The following KCNMB2 variants were observed in gnomAD, a reference collection of about 807,000 sequenced individuals.
KCNMB2 encodes the protein potassium calcium-activated channel subfamily M regulatory beta subunit 2.
A neutral mutation model predicts 24.5 loss-of-function variants in KCNMB2; 9 were observed. The observed-to-expected ratio is 0.37, with a 90% CI of 0.22 to 0.64. KCNMB2 has a LOEUF of 0.64. Among genes scored for constraint, KCNMB2 ranks in the 30% least tolerant of loss-of-function variants. The pLI, the probability that KCNMB2 is intolerant of heterozygous loss-of-function variation, is 0.63. For synonymous variants in KCNMB2, 109 were observed against 104.4 expected, an observed-to-expected ratio of 1.04 and a Z score of -0.27; for missense variants, 226 against 284.3, an observed-to-expected ratio of 0.79 and a Z score of 1.47.
chr3:178,837,119 T>C (rs181137886), intron 4 of KCNMB2, among the ~76,000 whole-genome samples: 1 of 152,278 alleles, frequency 6.6e-6, no homozygotes, highest in African/African-American at 2.4e-5. Flanking sequence ...GGACATGAGA[T>C]GACAGCCATT....
chr3:178,540,118 T>C (rs897018275), intron 1 of KCNMB2, among the ~76,000 whole-genome samples: 1 of 152,226 alleles, frequency 6.6e-6, no homozygotes, highest in African/African-American at 2.4e-5. Flanking sequence ...CCTCCTTCTA[T>C]ATTTTTCTCC....
intron 1 of KCNMB2, among the ~76,000 whole-genome samples, chr3:178,553,537 CTTT>C (rs78958133): frequency 2.2e-5 from 3 of 139,086 alleles, no homozygotes; most frequent in South Asian, 2.3e-4. Flanking sequence ...AGAGAGATTC[CTTT>C]TTTTTTTTTT....
intron 4 of KCNMB2, among the ~76,000 whole-genome samples, chr3:178,836,766 G>T (rs7427904): frequency 0.64 from 97,791 of 151,742 alleles, 33,410 homozygotes; most frequent in African/African-American, 0.87. Flanking sequence ...ATCATACAGA[G>T]TCTAAAAGCT....
intron 1 of KCNMB2, among the ~76,000 whole-genome samples, chr3:178,700,431 C>G (rs1722046052): frequency 6.6e-6 from 1 of 152,182 alleles, no homozygotes; most frequent in South Asian, 2.1e-4. Context: ...CCTATCCTTA[C>G]CAGGGAGGTA....
rs71181241 is a variant in KCNMB2 at position 178,691,107 on chromosome 3, C to CTTTTTTTTTTTTTT, written c.-67-116229_-67-116216dup. On this transcript the variant is annotated intron_variant, in intron 1 of 4. Coordinates refer to ENST00000452583, the MANE Select transcript of KCNMB2 (RefSeq NM_181361.3). ...TGTACAGCATAATTCCCCATTAAGT[C>CTTTTTTTTTTTTTT]TTTTTTTTTTTTTTTTTTTTGATAG... Among the ~76,000 whole-genome samples the CTTTTTTTTTTTTTT allele has an allele frequency of 4.9e-4, 39 of 79,728 alleles. 1 individual carries two copies. Among genetic ancestry groups the CTTTTTTTTTTTTTT allele is most frequent in the South Asian group, 1.0e-3 (2 of 1,950 alleles). 52.3% of individuals were successfully genotyped at this position (79,728 alleles called of 152,430 possible). A position where few individuals can be genotyped will look rare whatever the true frequency, so the allele number is the denominator to read the frequency against.
chr3:178,646,922 A>T (rs1388250186), intron 1 of KCNMB2, among the ~76,000 whole-genome samples: 1 of 152,230 alleles, frequency 6.6e-6, no homozygotes, highest in Non-Finnish European at 1.5e-5. Context: ...TCTTGAATCA[A>T]CTTCTCCATA....
In KCNMB2 at chr3:178,629,099, T is replaced by A. The variant is rs895935361; in HGVS notation, c.-68+92388T>A. Among the ~76,000 whole-genome samples the A allele has an allele frequency of 5.3e-5, 8 of 152,300 alleles. No individual in the cohort carries two copies. The East Asian group carries it at 1.2e-3, about 22-fold the overall frequency. On this transcript the variant is annotated intron_variant, in intron 1 of 4. Coordinates refer to ENST00000452583, the MANE Select transcript of KCNMB2 (RefSeq NM_181361.3). Reference sequence around the variant, plus strand: ...TTAAAATGGCTCCTAATTATCTACATTATAACCCCCAACTCCCTATTTCAG... The same window carrying A: ...TTAAAATGGCTCCTAATTATCTACAATATAACCCCCAACTCCCTATTTCAG...
rs572672166 is a variant in KCNMB2 at position 178,725,318 on chromosome 3, C to G, written c.-67-82025C>G. ...ATTCTTGATTTTGTTCTCACCACTCCTATTCAACATAGTACTAGAAGTCTT... is the reference window on the plus strand; with the variant it reads ...ATTCTTGATTTTGTTCTCACCACTCGTATTCAACATAGTACTAGAAGTCTT... On this transcript the variant is annotated intron_variant, in intron 1 of 4. Transcript: ENST00000452583. Among the ~76,000 whole-genome samples, 4 of 152,030 alleles carry G rather than the reference C, an allele frequency of 2.6e-5. No individual in the cohort carries two copies. In the South Asian group the frequency reaches 8.3e-4, roughly 32 times the overall value.
chr3:178,684,834 A>T (rs748345665), intron 1 of KCNMB2, among the ~76,000 whole-genome samples: 1 of 152,234 alleles, frequency 6.6e-6, no homozygotes, highest in Non-Finnish European at 1.5e-5. Context: ...TCCGTCTCAA[A>T]AAATAAATAA....
At chr3:178,581,143 A>T (rs1205322753) in intron 1 of KCNMB2, among the ~76,000 whole-genome samples, 1 of 152,232 alleles carries the variant, frequency 6.6e-6, no homozygotes, top group Non-Finnish European at 1.5e-5. Flanking sequence ...TAAACAAAAC[A>T]GCATGGTACT....
Position 178,666,526 on chromosome 3 carries a change from G to A in KCNMB2, c.-68+129815G>A, listed in dbSNP as rs370150872. 2.4e-4 allele frequency among the ~76,000 whole-genome samples: 37 copies of A among 152,232 alleles called. No individual in the cohort carries two copies. In the South Asian group the frequency reaches 3.1e-3, roughly 13 times the overall value. ...GAAAGGCCTCGATCCTTGATTCTGC[G>A]TGGTGTTTTCTAAAATTATTTAAAT... is the stretch of plus-strand genomic sequence containing the variant. On this transcript the variant is annotated intron_variant, in intron 1 of 4. Coordinates refer to ENST00000452583, the MANE Select transcript of KCNMB2 (RefSeq NM_181361.3).
intron 2 of KCNMB2, among the ~76,000 whole-genome samples, chr3:178,814,556 C>T (rs1242249897): frequency 6.6e-6 from 1 of 152,160 alleles, no homozygotes; most frequent in Admixed American, 6.6e-5. Flanking sequence ...GAAATCTCCA[C>T]ACTGCTTTTC....
chr3:178,540,692 T>C (rs1274768670), intron 1 of KCNMB2, among the ~76,000 whole-genome samples: 1 of 152,134 alleles, frequency 6.6e-6, no homozygotes, highest in Non-Finnish European at 1.5e-5. Flanking sequence ...CTCAGTTCTT[T>C]ACTTTTTTTC....
At chr3:178,674,185 CCTCTT>C (rs1720996533) in intron 1 of KCNMB2, among the ~76,000 whole-genome samples, 1 of 151,864 alleles carries the variant, frequency 6.6e-6, no homozygotes, top group Non-Finnish European at 1.5e-5. Flanking sequence ...ATCTCTTCTA[CCTCTT>C]CTCTTCTCTT....
chr3:178,574,397 G>A (rs1027038602), intron 1 of KCNMB2, among the ~76,000 whole-genome samples: 1 of 152,172 alleles, frequency 6.6e-6, no homozygotes, highest in South Asian at 2.1e-4. Flanking sequence ...TTATCTCTTT[G>A]CCTTTTAAGT....
intron 1 of KCNMB2, among the ~76,000 whole-genome samples, chr3:178,794,631 G>A (rs56165374): frequency 0.14 from 21,829 of 152,208 alleles, 1,854 homozygotes; most frequent in Non-Finnish European, 0.19. Flanking sequence ...AAAAAATGAC[G>A]ATTATAACCA....
chr3:178,624,792 G>A (rs1238404152), intron 1 of KCNMB2, among the ~76,000 whole-genome samples: 2 of 151,874 alleles, frequency 1.3e-5, no homozygotes, highest in African/African-American at 2.4e-5. Context: ...TGGACAGGGC[G>A]GGCAACCTGT....
At chr3:178,639,591 T>A (rs1719649383) in intron 1 of KCNMB2, among the ~76,000 whole-genome samples, 1 of 152,212 alleles carries the variant, frequency 6.6e-6, no homozygotes, top group African/African-American at 2.4e-5. Flanking sequence ...ATAACCCAAA[T>A]CCCAGGGTTC....
At chr3:178,622,211 A>G (rs1359292831) in intron 1 of KCNMB2, among the ~76,000 whole-genome samples, 1 of 152,204 alleles carries the variant, frequency 6.6e-6, no homozygotes, top group Non-Finnish European at 1.5e-5. Context: ...TCTATCTGTA[A>G]GAGGTTGAGA....
Sources: gnomAD v4.1 joint callset for allele counts (sites outside exome capture counted in the v4.1 genomes callset) on GRCh38, gnomAD v4.1.1 for gene constraint, MANE v1.5 for transcripts, NCBI Gene and HGNC (gene_info 2026-07-23, HGNC 2026-07-21) for gene names.